NRXN3: variants seen among roughly 807,000 people sequenced by gnomAD.
NRXN3 encodes neurexin 3, also known as neurexin III.
A neutral mutation model predicts 137.6 loss-of-function variants in NRXN3; 32 were observed. The ratio of observed to expected loss-of-function variants is 0.23; its 90% CI spans 0.18 to 0.31. NRXN3 has a LOEUF of 0.31. Among genes scored for constraint, NRXN3 ranks in the 10% least tolerant of loss-of-function variants. NRXN3 has a pLI of 1.00. For missense variants in NRXN3, 1,574 were observed against 2,062.5 expected (o/e 0.76, Z 4.59); for synonymous variants, 798 against 784.5 (o/e 1.02, Z -0.29).
chr14:78,989,491 T>C lies in NRXN3; in HGVS notation c.3262+1350T>C, dbSNP rs1159453365. On this transcript the variant is annotated intron_variant, in intron 15 of 20. Coordinates refer to ENST00000335750, the MANE Select transcript of NRXN3 (RefSeq NM_001330195.2). ...GCATTCATCTAATTACATAAGCATA[T>C]GTCTCTGTATCTGTCATGTGAAGGA... 2.0e-5 allele frequency among the ~76,000 whole-genome samples: 3 copies of C among 152,182 alleles called. No homozygotes were observed. In the South Asian group the frequency reaches 6.2e-4, roughly 31 times the overall value.
At chr14:79,026,908 A>T (rs1391053765) in intron 15 of NRXN3, among the ~76,000 whole-genome samples, 1 of 129,490 alleles carries the variant, frequency 7.7e-6, no homozygotes, top group East Asian at 2.7e-4. Flanking sequence ...ATCATGCGTG[A>T]TCCCAGAAAA....
chr14:79,697,162 C>T (rs2098738595), intron 18 of NRXN3, among the ~76,000 whole-genome samples: 3 of 151,918 alleles, frequency 2.0e-5, no homozygotes, highest in South Asian at 2.1e-4. Context: ...ATTATCAGAC[C>T]TGGTTTTTAA....
intron 16 of NRXN3, among the ~76,000 whole-genome samples, chr14:79,509,095 T>C (rs2096907450): frequency 6.6e-6 from 1 of 152,096 alleles, no homozygotes; most frequent in African/African-American, 2.4e-5. Context: ...GTCAGATGGC[T>C]GAGGCACAAG....
chr14:79,422,723 G>A (rs1312655981), intron 15 of NRXN3, among the ~76,000 whole-genome samples: 34 of 135,252 alleles, frequency 2.5e-4, no homozygotes, highest in African/African-American at 6.7e-4. Context: ...TTTTTGAGAC[G>A]GAATCTTGCT....
intron 4 of NRXN3, among the ~76,000 whole-genome samples, chr14:78,377,646 AAGTTT>A (rs1278120327): frequency 2.0e-5 from 3 of 152,170 alleles, no homozygotes; most frequent in Non-Finnish European, 2.9e-5. Context: ...GAGGTGTCAG[AAGTTT>A]GGTTTATTCT....
rs569506715 is a variant in NRXN3 at position 79,158,409 on chromosome 14, CCTA to C, written c.3262+170272_3262+170274del. On this transcript the variant is annotated intron_variant, in intron 15 of 20. Transcript: ENST00000335750. ...AATCATTTTGAGGAACTCATAAATA[CCTA>C]CTATTATGATGTATGAAGCTTCAGG... is the stretch of plus-strand genomic sequence containing the variant. 1.3e-4 allele frequency among the ~76,000 whole-genome samples: 20 copies of C among 151,828 alleles called. No homozygotes were observed. The South Asian group carries it at 3.9e-3, about 30-fold the overall frequency.
intron 15 of NRXN3, among the ~76,000 whole-genome samples, chr14:79,052,795 G>A (rs990973243): frequency 6.6e-5 from 10 of 152,186 alleles, no homozygotes; most frequent in African/African-American, 2.4e-4. Flanking sequence ...ATCAGAGGCT[G>A]CCTGCTGAGA....
intron 15 of NRXN3, among the ~76,000 whole-genome samples, chr14:79,236,907 T>C (rs1205870726): frequency 2.0e-5 from 3 of 151,960 alleles, no homozygotes; most frequent in African/African-American, 7.2e-5. Flanking sequence ...AGTAAGACCC[T>C]CTCTAAAAAT....
chr14:78,831,529 C>A (rs1237785837), intron 10 of NRXN3, among the ~76,000 whole-genome samples: 2 of 81,378 alleles, frequency 2.5e-5, no homozygotes, highest in African/African-American at 5.6e-5. Context: ...AGGGAGACTC[C>A]ATGTCAAAAA....
At chr14:78,522,475 A>G (rs1306792801) in intron 4 of NRXN3, among the ~76,000 whole-genome samples, 1 of 152,230 alleles carries the variant, frequency 6.6e-6, no homozygotes, top group Admixed American at 6.5e-5. Flanking sequence ...TGAATCTGTT[A>G]TCGGAAATAG....
chr14:79,429,598 C>G (rs562827404), intron 15 of NRXN3, among the ~76,000 whole-genome samples: 1 of 152,256 alleles, frequency 6.6e-6, no homozygotes, highest in East Asian at 1.9e-4. Context: ...AGATATTGCT[C>G]CAGAAACACT....
intron 15 of NRXN3, among the ~76,000 whole-genome samples, chr14:79,168,388 A>G (rs2061477650): frequency 6.6e-6 from 1 of 152,092 alleles, no homozygotes. Flanking sequence ...AAAAATAGAT[A>G]GTATAGGGGA....
intron 19 of NRXN3, among the ~76,000 whole-genome samples, chr14:79,764,262 C>T (rs2139524878): frequency 6.6e-6 from 1 of 152,084 alleles, no homozygotes; most frequent in Middle Eastern, 3.4e-3. Flanking sequence ...GTACCAATTG[C>T]AGCCATGTTA....
At chr14:78,645,016 C>T (rs1182971672) in intron 4 of NRXN3, 104 bp from the exon 5 acceptor site, 2 of 1,017,530 alleles carry the variant, frequency 2.0e-6, no homozygotes, top group Admixed American at 5.6e-5. Flanking sequence ...GGTATCAGCA[C>T]AAGAACGGGG....
intron 15 of NRXN3, among the ~76,000 whole-genome samples, chr14:79,126,939 T>G (rs1385844861): frequency 6.6e-6 from 1 of 152,218 alleles, no homozygotes; most frequent in Non-Finnish European, 1.5e-5. Flanking sequence ...TGGTGAGCAT[T>G]TTTTCATGTG....
chr14:79,294,566 C>A (rs1478991857), intron 15 of NRXN3, among the ~76,000 whole-genome samples: 1 of 152,084 alleles, frequency 6.6e-6, no homozygotes, highest in Non-Finnish European at 1.5e-5. Context: ...ACCAAAGAAG[C>A]ATAAATGACT....
chr14:79,196,553 T>G (rs1487582398), intron 15 of NRXN3, among the ~76,000 whole-genome samples: 1 of 151,858 alleles, frequency 6.6e-6, no homozygotes, highest in Non-Finnish European at 1.5e-5. Flanking sequence ...GAATTAACTT[T>G]CCAACACATG....
At chr14:79,677,017 T>A (rs371048774) in intron 17 of NRXN3, among the ~76,000 whole-genome samples, 1 of 152,094 alleles carries the variant, frequency 6.6e-6, no homozygotes, top group Non-Finnish European at 1.5e-5. Context: ...AATGACTGCA[T>A]ATACACAACA....
intron 4 of NRXN3, among the ~76,000 whole-genome samples, chr14:78,422,945 G>A (rs959433389): frequency 5.9e-5 from 9 of 152,286 alleles, no homozygotes; most frequent in Non-Finnish European, 1.2e-4. Context: ...TTGCAAAAGT[G>A]TCATCTTAAA....
Sources: allele counts gnomAD v4.1 joint callset (sites outside exome capture counted in the v4.1 genomes callset), GRCh38; gene constraint gnomAD v4.1.1; transcripts MANE v1.5; gene names NCBI Gene and HGNC (gene_info 2026-07-23, HGNC 2026-07-21).